The following EPHX2 variants were observed in gnomAD, a reference collection of about 807,000 sequenced individuals.
EPHX2 encodes the protein bifunctional epoxide hydrolase 2.
A neutral mutation model predicts 78.7 loss-of-function variants in EPHX2; 74 were observed. The observed-to-expected ratio is 0.94, with a 90% confidence interval of 0.78 to 1.14. EPHX2 has a LOEUF of 1.14. Among genes scored for constraint, EPHX2 ranks in the 50% most tolerant of loss-of-function variants. EPHX2 has a pLI of 0.00. For missense variants in EPHX2, 715 were observed against 702.5 expected (o/e 1.02, Z -0.20); for synonymous variants, 251 against 255.2 (o/e 0.98, Z 0.16).
In EPHX2 at chr8:27,500,783, A is replaced by G. The variant is rs1324056515; in HGVS notation, c.102-143A>G. ...TGGCTCCTTGCGCGCAAAGATCCCAATTTGAACTGCGTTTGCATTTTCCAG... is the reference window on the plus strand; with the variant it reads ...TGGCTCCTTGCGCGCAAAGATCCCAGTTTGAACTGCGTTTGCATTTTCCAG... On this transcript the variant is annotated intron_variant, in intron 1 of 18. Coordinates refer to ENST00000521400, the MANE Select transcript of EPHX2 (RefSeq NM_001979.6). The G allele has an allele frequency of 8.4e-6, 6 of 711,998 alleles. No homozygotes were observed. In the East Asian group the frequency reaches 1.6e-4, roughly 19 times the overall value. The allele number at this position is 711,998 out of a possible 1,614,324, so 44.1% of individuals were successfully genotyped here.
intron 12 of EPHX2, 36 bp from the exon 13 acceptor site, chr8:27,536,748 A>C (rs1467067272): frequency 6.2e-7 from 1 of 1,606,058 alleles, no homozygotes; most frequent in Non-Finnish European, 8.5e-7. Flanking sequence ...CACGATTTCT[A>C]GGGGGTCCTT....
intron 6 of EPHX2, chr8:27,515,416 A>ACC (rs1814410225): frequency 2.8e-6 from 1 of 359,686 alleles, no homozygotes; most frequent in Non-Finnish European, 5.2e-6. Context: ...AAACTGTGAG[A>ACC]GTATGGGGGC....
intron 1 of EPHX2, among the ~76,000 whole-genome samples, chr8:27,492,135 T>A (rs1813402243): frequency 6.6e-6 from 1 of 152,150 alleles, no homozygotes; most frequent in Non-Finnish European, 1.5e-5. Context: ...GCTGTCCAAA[T>A]CACATAGCTG....
chr8:27,507,952 A>G (rs2132728276), intron 5 of EPHX2, among the ~76,000 whole-genome samples: 1 of 152,224 alleles, frequency 6.6e-6, no homozygotes, highest in Admixed American at 6.5e-5. Context: ...GACGTCCTTT[A>G]ACCTTAGTTA....
At chr8:27,521,019 T>C in intron 10 of EPHX2, 110 bp downstream of exon 10, 1 of 1,380,968 alleles carries the variant, frequency 7.2e-7, no homozygotes. Flanking sequence ...AGGGCCCATT[T>C]TGGGGCAGTT....
chr8:27,499,178 T>G (rs2132711740), intron 1 of EPHX2, among the ~76,000 whole-genome samples: 1 of 152,310 alleles, frequency 6.6e-6, no homozygotes, highest in Non-Finnish European at 1.5e-5. Flanking sequence ...ATGGATGAAT[T>G]AATCCATCCA....
chr8:27,499,044 A>C (rs1813672225), intron 1 of EPHX2, among the ~76,000 whole-genome samples: 1 of 152,168 alleles, frequency 6.6e-6, no homozygotes, highest in Non-Finnish European at 1.5e-5. Context: ...CAGAGTCTCA[A>C]GGTAGCACAG....
Position 27,504,937 on chromosome 8 carries a change from C to T in EPHX2, c.347-19C>T, listed in dbSNP as rs1224280895. 1 of 1,613,040 alleles carries T rather than the reference C, an allele frequency of 6.2e-7. No individual in the cohort carries two copies. Among genetic ancestry groups the T allele is most frequent in the African/African-American group, 1.3e-5 (1 of 74,888 alleles). ...CAAAGGTCTGTAGCTGGTCTATCTA[C>T]TGGTGGCTTTTTGCTCAGGATTCAC... On this transcript the variant is annotated intron_variant, in intron 3 of 18. Coordinates refer to ENST00000521400, the MANE Select transcript of EPHX2 (RefSeq NM_001979.6).
intron 1 of EPHX2, 132 bp from the exon 2 acceptor site, chr8:27,500,794 G>C: frequency 1.3e-6 from 1 of 778,756 alleles, no homozygotes; most frequent in East Asian, 2.6e-5. Flanking sequence ...TTTGAACTGC[G>C]TTTGCATTTT....
At chr8:27,495,623 C>T (rs1013472436) in intron 1 of EPHX2, among the ~76,000 whole-genome samples, 3 of 152,208 alleles carry the variant, frequency 2.0e-5, no homozygotes, top group Admixed American at 6.5e-5. Context: ...ATGCCATTTA[C>T]ATCATTAGTA....
At chr8:27,519,311 C>T (rs1294048345) in intron 9 of EPHX2, among the ~76,000 whole-genome samples, 1 of 152,218 alleles carries the variant, frequency 6.6e-6, no homozygotes, top group African/African-American at 2.4e-5. Context: ...CTGGTGCAAG[C>T]TTCAGTGGGA....
At chr8:27,526,703 T>G (rs2132768472) in intron 12 of EPHX2, among the ~76,000 whole-genome samples, 1 of 152,266 alleles carries the variant, frequency 6.6e-6, no homozygotes, top group African/African-American at 2.4e-5. Flanking sequence ...CTCCTTGGCT[T>G]GTGGGTAGTC....
intron 2 of EPHX2, among the ~76,000 whole-genome samples, chr8:27,501,328 T>TTCTTCTTCTTCTTCTTCTTCC (rs1813765658): frequency 5.8e-5 from 2 of 34,292 alleles, no homozygotes; most frequent in African/African-American, 1.8e-4. Context: ...ATATATTTTC[T>TTCTTCTTCTTCTTCTTCTTCC]TCTTCTTCTT....
intron 12 of EPHX2, among the ~76,000 whole-genome samples, chr8:27,535,087 A>G (rs1318705407): frequency 1.3e-5 from 2 of 152,144 alleles, no homozygotes; most frequent in African/African-American, 4.8e-5. Flanking sequence ...AGGAGAGGAG[A>G]GTCAGTTGGC....
chr8:27,530,762 C>CTTTTT (rs11343503), intron 12 of EPHX2, among the ~76,000 whole-genome samples: 1 of 127,362 alleles, frequency 7.9e-6, no homozygotes, highest in Non-Finnish European at 1.6e-5. Context: ...TAATTTTTTT[C>CTTTTT]TTTTTTTTTT....
At chr8:27,535,006 G>T (rs904575910) in intron 12 of EPHX2, among the ~76,000 whole-genome samples, 2 of 152,172 alleles carry the variant, frequency 1.3e-5, no homozygotes, top group African/African-American at 4.8e-5. Context: ...CGAGTAGGAG[G>T]CCCGCTCAGA....
chr8:27,541,637 G>GTCCACAACCA, intron 16 of EPHX2, 95 bp downstream of exon 16: 1 of 1,341,044 alleles, frequency 7.5e-7, no homozygotes, highest in Non-Finnish European at 1.1e-6. Flanking sequence ...GGCCAGAGCT[G>GTCCACAACCA]GTTGTGGACA....
intron 2 of EPHX2, among the ~76,000 whole-genome samples, chr8:27,501,383 T>TC (rs757245380): frequency 0.049 from 5,725 of 117,956 alleles, 233 homozygotes; most frequent in Non-Finnish European, 0.057. Context: ...TTCTTCTTCT[T>TC]CTTCTTCTTC....
At chr8:27,502,271 A>G (rs1813829078) in intron 2 of EPHX2, among the ~76,000 whole-genome samples, 1 of 152,212 alleles carries the variant, frequency 6.6e-6, no homozygotes, top group Non-Finnish European at 1.5e-5. Flanking sequence ...GCCATAGATC[A>G]TTTTATTCTC....
Sources: allele counts gnomAD v4.1 joint callset (sites outside exome capture counted in the v4.1 genomes callset), GRCh38; gene constraint gnomAD v4.1.1; transcripts MANE v1.5; gene names NCBI Gene and HGNC (gene_info 2026-07-23, HGNC 2026-07-21).